The following MCUR1 variants were observed in gnomAD, a reference collection of about 807,000 sequenced individuals.
MCUR1 encodes MCU regulator 1.
Under a neutral mutation model 42.0 loss-of-function variants are expected in MCUR1, and 37 were observed. The ratio of observed to expected loss-of-function variants is 0.88; its 90% CI spans 0.68 to 1.16. The LOEUF (loss-of-function observed/expected upper bound fraction) is 1.16, where lower values mean the gene tolerates loss of function less well. Ranked by LOEUF, MCUR1 falls within the 50% of genes most tolerant of loss-of-function variation. MCUR1 has a pLI of 0.00. For missense variants in MCUR1, 469 were observed against 468.4 expected, an observed-to-expected ratio of 1.00 and a Z score of -0.01; for synonymous variants, 229 against 196.2, an observed-to-expected ratio of 1.17 and a Z score of -1.40.
chr6:13,805,701 C>T (rs922922280), intron 2 of MCUR1, among the ~76,000 whole-genome samples: 2 of 152,138 alleles, frequency 1.3e-5, no homozygotes, highest in African/African-American at 4.8e-5. Context: ...ACATGTACAA[C>T]TGGACAAATA....
At position 13,792,049 on chromosome 6, in the gene MCUR1, A is replaced by G. The variant is rs1034869663; in HGVS notation, c.910-57T>C. The G allele has an allele frequency of 3.8e-6, 5 of 1,307,370 alleles. No individual in the cohort carries two copies. The Admixed American group carries it at 8.7e-5, about 23-fold the overall frequency. 81.0% of individuals were successfully genotyped at this position (1,307,370 alleles called of 1,614,324 possible). On this transcript the variant is annotated intron_variant, in intron 7 of 8. Coordinates refer to ENST00000379170, the MANE Select transcript of MCUR1 (RefSeq NM_001031713.4). ...CCACAGCACGTCCCCTCTGCTCACC[A>G]TCCTATAGCTCCTTCCCAACGGGGT...
chr6:13,814,205 C>T lies in MCUR1; in HGVS notation c.225G>A (p.Val75=), dbSNP rs1271829759. The change falls in exon 1 of 9, where the codon GTG becomes GTA. Residue 75 remains valine, a synonymous_variant. Coordinates refer to ENST00000379170, the MANE Select transcript of MCUR1 (RefSeq NM_001031713.4). ...CTGCGGCGGCCAAGCGCGGGGAGGGCACTAGCAGGAGGAGGAGCAGCGGTG... is the reference window on the plus strand; with the variant it reads ...CTGCGGCGGCCAAGCGCGGGGAGGGTACTAGCAGGAGGAGGAGCAGCGGTG... ...RASPLLLLLL[V]PSPRLAAAAP... The T allele has an allele frequency of 2.8e-6, 4 of 1,437,212 alleles. No homozygotes were observed. Among genetic ancestry groups the T allele is most frequent in the African/African-American group, 1.5e-5 (1 of 67,238 alleles). The allele number at this position is 1,437,212 out of a possible 1,614,324, so 89.0% of individuals were successfully genotyped here.
At chr6:13,807,571 G>C (rs927720392) in intron 1 of MCUR1, among the ~76,000 whole-genome samples, 1 of 152,206 alleles carries the variant, frequency 6.6e-6, no homozygotes, top group Admixed American at 6.5e-5. Context: ...GTTGAAGGAT[G>C]CTTGAGCTGT....
At position 13,787,922 on chromosome 6, in the gene MCUR1, G is replaced by GC. The variant is rs1186436889; in HGVS notation, c.*2886dup. On this transcript the variant is annotated 3_prime_UTR_variant, in exon 9 of 9. Transcript: ENST00000379170. The stretch of plus-strand genomic sequence containing the variant: ...TGTCGCCCAGGCAGATCTCGTCTGG[G>GC]CCCGAGTCTCGTTGCAGTGGTGTAA... The GC allele has an allele frequency of 6.6e-6, 1 of 152,142 alleles. No individual in the cohort carries two copies. The highest frequency in any genetic ancestry group is 1.5e-5 in the Non-Finnish European group (1 of 68,048). 9.4% of individuals were successfully genotyped at this position (152,142 alleles called of 1,614,324 possible).
chr6:13,793,888 T>G lies in MCUR1; in HGVS notation c.909+6A>C, dbSNP rs1759792899. On this transcript the variant is annotated splice_donor_region_variant and intron_variant, in intron 7 of 8. Coordinates refer to ENST00000379170, the MANE Select transcript of MCUR1 (RefSeq NM_001031713.4). Reference sequence around the variant, plus strand: ...GACAAAGAAAAATCACAGTCTTGTTTCTTACCAATGCCACTATTTCTGTTC... The same window carrying G: ...GACAAAGAAAAATCACAGTCTTGTTGCTTACCAATGCCACTATTTCTGTTC... 6.2e-7 allele frequency: 1 copy of G among 1,612,800 alleles called. No individual in the cohort carries two copies. Among genetic ancestry groups the G allele is most frequent in the Non-Finnish European group, 8.5e-7 (1 of 1,179,384 alleles).
chr6:13,800,593 G>A (rs1759969467), intron 4 of MCUR1, among the ~76,000 whole-genome samples: 1 of 152,172 alleles, frequency 6.6e-6, no homozygotes, highest in African/African-American at 2.4e-5. Flanking sequence ...AGTTGTGTTT[G>A]GCATACACAT....
At chr6:13,793,125 CAAAAAAAAAA>C (rs781438643) in intron 7 of MCUR1, among the ~76,000 whole-genome samples, 2 of 87,902 alleles carry the variant, frequency 2.3e-5, no homozygotes, top group East Asian at 3.0e-4. Context: ...GACCCCACCT[CAAAAAAAAAA>C]AAAAAAAAAA....
chr6:13,798,392 G>A (rs192000077), intron 6 of MCUR1, among the ~76,000 whole-genome samples: 71 of 152,032 alleles, frequency 4.7e-4, no homozygotes, highest in African/African-American at 1.1e-3. Context: ...GAGCTACCGC[G>A]CCCGGCCAGA....
At chr6:13,808,531 C>T (rs1186699978) in intron 1 of MCUR1, among the ~76,000 whole-genome samples, 3 of 152,098 alleles carry the variant, frequency 2.0e-5, no homozygotes, top group African/African-American at 2.4e-5. Context: ...TCTTTTGTTG[C>T]CTGTGCTTTT....
At chr6:13,795,381 A>G (rs556265667) in intron 6 of MCUR1, among the ~76,000 whole-genome samples, 148 of 152,340 alleles carry the variant, frequency 9.7e-4, no homozygotes, top group Non-Finnish European at 1.7e-3. Context: ...TGACGCTGTC[A>G]TGGTTTTAAA....
At chr6:13,800,664 A>G (rs1222454201) in intron 4 of MCUR1, among the ~76,000 whole-genome samples, 1 of 152,080 alleles carries the variant, frequency 6.6e-6, no homozygotes, top group Non-Finnish European at 1.5e-5. Flanking sequence ...AACTAATCCT[A>G]CCCTCAAATA....
At chr6:13,795,320 A>G (rs990366539) in intron 6 of MCUR1, among the ~76,000 whole-genome samples, 2 of 152,118 alleles carry the variant, frequency 1.3e-5, no homozygotes, top group Non-Finnish European at 2.9e-5. Flanking sequence ...ACTAAACCTC[A>G]GTCTTCATTA....
chr6:13,813,880 G>A, intron 1 of MCUR1, 135 bp downstream of exon 1: 6 of 955,130 alleles, frequency 6.3e-6, no homozygotes, highest in Non-Finnish European at 8.1e-6. Flanking sequence ...CACGCTCCGG[G>A]CAGATGCCGG....
chr6:13,803,359 C>A (rs570974286), intron 2 of MCUR1, among the ~76,000 whole-genome samples: 1 of 152,310 alleles, frequency 6.6e-6, no homozygotes, highest in African/African-American at 2.4e-5. Context: ...CCACGCCTGG[C>A]CAGTACTTGG....
intron 3 of MCUR1, 31 bp from the exon 4 acceptor site, chr6:13,801,420 A>C: frequency 2.7e-6 from 4 of 1,492,652 alleles, no homozygotes; most frequent in Non-Finnish European, 3.7e-6. Context: ...CACATAATCT[A>C]GTCTACCCTA....
rs376565676 is a variant in MCUR1, at chr6:13,805,917, T to C, written c.535+1008A>G. ...AATGCCATATATACCAGAACAATCT[T>C]TTATCTTAACAGCAATAACGAAGAA... On this transcript the variant is annotated intron_variant, in intron 2 of 8. Coordinates refer to ENST00000379170, the MANE Select transcript of MCUR1 (RefSeq NM_001031713.4). Among the ~76,000 whole-genome samples, 213 of 152,278 alleles carry C rather than the reference T, an allele frequency of 1.4e-3. 1 individual carries two copies. Among genetic ancestry groups the C allele is most frequent in the South Asian group, 7.5e-3 (36 of 4,824 alleles).
intron 6 of MCUR1, among the ~76,000 whole-genome samples, chr6:13,797,850 CCT>C (rs1256315392): frequency 5.3e-5 from 8 of 151,792 alleles, no homozygotes; most frequent in African/African-American, 1.9e-4. Context: ...ATGGTGAAAC[CCT>C]GTCTCTACTA....
At chr6:13,811,784 T>C (rs575812073) in intron 1 of MCUR1, among the ~76,000 whole-genome samples, 1 of 152,272 alleles carries the variant, frequency 6.6e-6, no homozygotes, top group South Asian at 2.1e-4. Context: ...ATTTAAAACA[T>C]AACCTCCTCA....
chr6:13,807,847 C>A (rs1456660528), intron 1 of MCUR1, among the ~76,000 whole-genome samples: 1 of 152,178 alleles, frequency 6.6e-6, no homozygotes, highest in Non-Finnish European at 1.5e-5. Flanking sequence ...TGGTATCTCA[C>A]TGTGGTTTTA....
Sources: gnomAD v4.1 joint callset for allele counts (sites outside exome capture counted in the v4.1 genomes callset) on GRCh38, gnomAD v4.1.1 for gene constraint, MANE v1.5 for transcripts, NCBI Gene and HGNC (gene_info 2026-07-23, HGNC 2026-07-21) for gene names.